The following ZMAT5 variants were observed in gnomAD, a reference collection of about 807,000 sequenced individuals.
ZMAT5 encodes the protein zinc finger matrin-type 5, also known as zinc finger matrin-type protein 5.
Under a neutral mutation model 28.0 loss-of-function variants are expected in ZMAT5, and 23 were observed. The observed-to-expected ratio is 0.82, with a 90% CI of 0.59 to 1.16. The LOEUF is 1.16. ZMAT5 is among the 50% of genes most tolerant of loss of function. ZMAT5 has a pLI of 0.00. For missense variants in ZMAT5, 173 were observed against 212.7 expected, an observed-to-expected ratio of 0.81 and a Z score of 1.16; for synonymous variants, 76 against 84.1, an observed-to-expected ratio of 0.90 and a Z score of 0.52.
chr22:29,742,449 G>T lies in ZMAT5; in HGVS notation c.159C>A (p.Asn53Lys). ...GTAGAAACTTCCTGCAGGGCCGCTT[G>T]TTCTGCTCATCCAGCAAGATGGCAG... ...DAAAILLDEQNKRPCRKFLLT... is the reference protein window; with the variant it reads ...DAAAILLDEQKKRPCRKFLLT... The change falls in exon 3 of 6, where the codon AAC becomes AAA. Residue 53 changes from asparagine (N) to lysine (K), a missense_variant. By Grantham distance (94) the Asn-to-Lys change is moderately conservative. Coordinates refer to ENST00000344318, the MANE Select transcript of ZMAT5 (RefSeq NM_001003692.2). The T allele has an allele frequency of 6.2e-7, 1 of 1,613,068 alleles. No individual in the cohort carries two copies. The highest frequency in any genetic ancestry group is 2.2e-5 in the East Asian group (1 of 44,890).
At chr22:29,760,200 CAAAAAATA>C (rs1486864211) in intron 1 of ZMAT5, among the ~76,000 whole-genome samples, 3 of 150,630 alleles carry the variant, frequency 2.0e-5, no homozygotes, top group Non-Finnish European at 3.0e-5. Context: ...GATTCCGTCT[CAAAAAATA>C]AAAAAATAAA....
intron 1 of ZMAT5, among the ~76,000 whole-genome samples, chr22:29,762,633 G>C (rs2068168748): frequency 6.6e-6 from 1 of 152,182 alleles, no homozygotes; most frequent in Non-Finnish European, 1.5e-5. Context: ...CCCCAGATGG[G>C]ACCGTCTAGT....
intron 1 of ZMAT5, among the ~76,000 whole-genome samples, chr22:29,755,061 C>T (rs1230201114): frequency 6.6e-6 from 1 of 151,880 alleles, no homozygotes; most frequent in African/African-American, 2.4e-5. Flanking sequence ...TTTGGGAGGC[C>T]AAGGTGGGTG....
In ZMAT5 at chr22:29,759,979, T is replaced by C. The variant is rs374864729; in HGVS notation, c.-28+6893A>G. 2.9e-3 allele frequency among the ~76,000 whole-genome samples: 444 copies of C among 152,158 alleles called. 2 individuals carry two copies. The highest frequency in any genetic ancestry group is 0.01 in the African/African-American group (423 of 41,532). On this transcript the variant is annotated intron_variant, in intron 1 of 5. Transcript: ENST00000344318. ...ACTTTGGGAGGCCAAGGTGGGTGGA[T>C]TGCCTGAGCTCAGGAGTTTGAGACC...
intron 3 of ZMAT5, among the ~76,000 whole-genome samples, 177 bp from the exon 4 acceptor site, chr22:29,740,907 A>G (rs2067956241): frequency 6.6e-6 from 1 of 152,146 alleles, no homozygotes; most frequent in Admixed American, 6.5e-5. Flanking sequence ...CAGCAGCCAG[A>G]GCGACTTCTC....
intron 1 of ZMAT5, among the ~76,000 whole-genome samples, chr22:29,752,365 CCT>C (rs951471234): frequency 3.9e-5 from 6 of 152,136 alleles, no homozygotes; most frequent in Non-Finnish European, 7.4e-5. Context: ...TGTTTTCCCC[CCT>C]CTCTCTCACC....
At chr22:29,753,591 A>C (rs2068073686) in intron 1 of ZMAT5, among the ~76,000 whole-genome samples, 1 of 152,136 alleles carries the variant, frequency 6.6e-6, no homozygotes. Flanking sequence ...CGGGAGGCTG[A>C]GGCAGGACAA....
chr22:29,764,295 C>A (rs2068186850), intron 1 of ZMAT5, among the ~76,000 whole-genome samples: 1 of 152,220 alleles, frequency 6.6e-6, no homozygotes, highest in African/African-American at 2.4e-5. Context: ...TGGAGCCTCA[C>A]AACTTCCTGC....
chr22:29,757,882 G>A (rs558040071), intron 1 of ZMAT5, among the ~76,000 whole-genome samples: 1 of 152,174 alleles, frequency 6.6e-6, no homozygotes, highest in African/African-American at 2.4e-5. Context: ...GCCGGGTGTG[G>A]GGCGTGCACC....
intron 1 of ZMAT5, among the ~76,000 whole-genome samples, chr22:29,751,382 A>C (rs1419793423): frequency 6.6e-6 from 1 of 152,232 alleles, no homozygotes; most frequent in Non-Finnish European, 1.5e-5. Context: ...GAAGTTTCCT[A>C]ATGCAGATGG....
intron 1 of ZMAT5, among the ~76,000 whole-genome samples, chr22:29,755,812 C>T (rs543916428): frequency 5.9e-5 from 9 of 152,334 alleles, no homozygotes; most frequent in African/African-American, 2.2e-4. Flanking sequence ...CATGGACCCC[C>T]ACATCCCCTC....
At chr22:29,755,364 A>AGGGAGGGAGGGAGGGAGG (rs1261809736) in intron 1 of ZMAT5, among the ~76,000 whole-genome samples, 2 of 12,130 alleles carry the variant, frequency 1.6e-4, no homozygotes, top group Admixed American at 7.4e-4. Context: ...GGAGGGAGGG[A>AGGGAGGGAGGGAGGGAGG]GGGGGAGAGA....
rs1008106660 is a variant in ZMAT5 at position 29,763,331 on chromosome 22, C to T, written c.-28+3541G>A. 2.0e-3 allele frequency among the ~76,000 whole-genome samples: 195 copies of T among 95,592 alleles called. 1 individual carries two copies. Among genetic ancestry groups the T allele is most frequent in the African/African-American group, 6.2e-3 (191 of 31,048 alleles). The allele number at this position is 95,592 out of a possible 152,430, so 62.7% of individuals were successfully genotyped here. On this transcript the variant is annotated intron_variant, in intron 1 of 5. Coordinates refer to ENST00000344318, the MANE Select transcript of ZMAT5 (RefSeq NM_001003692.2). ...ATAAATAAATAAATAAGGCCAGGTG[C>T]GGTGGCTCACACCTGTAATCCCAGG...
intron 1 of ZMAT5, among the ~76,000 whole-genome samples, chr22:29,755,321 A>T (rs1285746008): frequency 2.2e-5 from 2 of 92,948 alleles, no homozygotes; most frequent in Admixed American, 1.3e-4. Flanking sequence ...AAAGAAAAAA[A>T]GAAAGGAGAG....
chr22:29,738,935 TAGGAGGTGGAGGCTGCAGTG>T (rs1569335492), intron 4 of ZMAT5, among the ~76,000 whole-genome samples: 3 of 151,552 alleles, frequency 2.0e-5, no homozygotes, highest in African/African-American at 7.3e-5. Flanking sequence ...CGCTTGAACC[TAGGAGGTGGAGGCTGCAGTG>T]AGCTAAGATC....
intron 1 of ZMAT5, among the ~76,000 whole-genome samples, chr22:29,756,246 G>T (rs1010095865): frequency 2.0e-5 from 3 of 152,214 alleles, no homozygotes; most frequent in African/African-American, 7.2e-5. Context: ...CTAGGAGCTC[G>T]GTAATGTCCC....
intron 1 of ZMAT5, among the ~76,000 whole-genome samples, chr22:29,763,664 T>C (rs1457649428): frequency 1.3e-5 from 2 of 151,962 alleles, no homozygotes; most frequent in Non-Finnish European, 2.9e-5. Context: ...GGCTCATGTC[T>C]GTAATCCCAG....
intron 5 of ZMAT5, among the ~76,000 whole-genome samples, chr22:29,735,573 T>C (rs909179070): frequency 6.6e-6 from 1 of 152,198 alleles, no homozygotes; most frequent in Admixed American, 6.5e-5. Flanking sequence ...AGAGGCAGCC[T>C]GGGGTCTAGA....
chr22:29,740,549 A>G lies in ZMAT5; in HGVS notation c.271+101T>C, dbSNP rs1399497335. On this transcript the variant is annotated intron_variant, in intron 4 of 5. Coordinates refer to ENST00000344318, the MANE Select transcript of ZMAT5 (RefSeq NM_001003692.2). ...CACCCTGGGTGGCCCTTGGTTGCCA[A>G]TGATGGGGAGATAGGGAGGCATAGG... The G allele has an allele frequency of 8.5e-6, 11 of 1,290,368 alleles. No homozygotes were observed. The East Asian group carries it at 1.8e-4, about 21-fold the overall frequency. 79.9% of individuals were successfully genotyped at this position (1,290,368 alleles called of 1,614,324 possible).
Sources: gnomAD v4.1 joint callset for allele counts (sites outside exome capture counted in the v4.1 genomes callset) on GRCh38, gnomAD v4.1.1 for gene constraint, MANE v1.5 for transcripts, NCBI Gene and HGNC (gene_info 2026-07-23, HGNC 2026-07-21) for gene names.